Variants in CCDC170 observed in about 807,000 individuals in gnomAD.
The protein encoded by CCDC170 is coiled-coil domain containing 170.
Under a neutral mutation model 72.6 loss-of-function variants are expected in CCDC170, and 69 were observed. That is an observed-to-expected ratio of 0.95 (90% CI 0.78 to 1.16). The LOEUF is 1.16. CCDC170 is among the 50% of genes most tolerant of loss of function. The probability of loss-of-function intolerance (pLI) is 0.00; values close to 1 mark genes in which losing one functional copy is unlikely to be tolerated. For synonymous variants in CCDC170, 300 were observed against 303.9 expected, an observed-to-expected ratio of 0.99 and a Z score of 0.13; for missense variants, 852 against 832.5, an observed-to-expected ratio of 1.02 and a Z score of -0.29.
chr6:151,551,685 C>A (rs1782881012), intron 5 of CCDC170, among the ~76,000 whole-genome samples: 1 of 152,120 alleles, frequency 6.6e-6, no homozygotes, highest in Non-Finnish European at 1.5e-5. Flanking sequence ...GGACCTGAGG[C>A]CTGTCAGCTA....
At chr6:151,499,985 T>C (rs1426656998) in intron 1 of CCDC170, among the ~76,000 whole-genome samples, 2 of 152,236 alleles carry the variant, frequency 1.3e-5, no homozygotes, top group Non-Finnish European at 2.9e-5. Context: ...CTGGATCCTA[T>C]GGTAATCCTA....
chr6:151,510,938 G>A (rs539882423), intron 1 of CCDC170, among the ~76,000 whole-genome samples: 4 of 152,214 alleles, frequency 2.6e-5, no homozygotes, highest in African/African-American at 7.2e-5. Flanking sequence ...GTTTCACTAT[G>A]TTGGCCAGGC....
intron 2 of CCDC170, 31 bp downstream of exon 2, chr6:151,536,477 T>G (rs775236606): frequency 1.2e-6 from 2 of 1,610,854 alleles, no homozygotes; most frequent in African/African-American, 2.7e-5. Context: ...CACTCAGAAA[T>G]GGGCCTTCTT....
intron 9 of CCDC170, among the ~76,000 whole-genome samples, chr6:151,613,711 C>A (rs79376319): frequency 0.015 from 2,273 of 152,288 alleles, 28 homozygotes; most frequent in Non-Finnish European, 0.023. Context: ...CATTGTATGG[C>A]TATACCACAT....
rs898199695 is a variant in CCDC170 at position 151,605,995 on chromosome 6, G to A, written c.1710+9418G>A. Among the ~76,000 whole-genome samples the A allele has an allele frequency of 7.3e-5, 11 of 151,436 alleles. No homozygotes were observed. The East Asian group carries it at 1.6e-3, about 21-fold the overall frequency. On this transcript the variant is annotated intron_variant, in intron 9 of 10. Coordinates refer to ENST00000239374, the MANE Select transcript of CCDC170 (RefSeq NM_025059.4). ...CAGCTCACTGCAACCTCTGCCTCCC[G>A]GGTTCAAGCAATTCTTCTTACTCAG... is the stretch of plus-strand genomic sequence containing the variant.
In CCDC170 at chr6:151,534,068, C is replaced by CT. The variant is rs11359591; in HGVS notation, c.58-2236dup. 1.2e-3 allele frequency among the ~76,000 whole-genome samples: 166 copies of CT among 141,570 alleles called. 3 individuals are homozygous for CT. Among genetic ancestry groups the CT allele is most frequent in the Middle Eastern group, 7.3e-3 (2 of 274 alleles). The allele number at this position is 141,570 out of a possible 152,430, so 92.9% of individuals were successfully genotyped here. A position where few individuals can be genotyped will look rare whatever the true frequency, so the allele number is the denominator to read the frequency against. On this transcript the variant is annotated intron_variant, in intron 1 of 10. Transcript: ENST00000239374. Reference sequence around the variant, plus strand: ...TTCTCGTTCATTCATTCATTCATTCCTTTTTTTTTTTTTTGAGACAGGGTT... The same window carrying CT: ...TTCTCGTTCATTCATTCATTCATTCCTTTTTTTTTTTTTTTGAGACAGGGTT...
intron 5 of CCDC170, among the ~76,000 whole-genome samples, chr6:151,551,422 C>T (rs1375392661): frequency 2.0e-5 from 3 of 152,116 alleles, no homozygotes; most frequent in Non-Finnish European, 2.9e-5. Flanking sequence ...TATATGCTTC[C>T]TCTTGAGCAC....
chr6:151,507,993 A>C (rs115177553), intron 1 of CCDC170, among the ~76,000 whole-genome samples: 2 of 152,126 alleles, frequency 1.3e-5, no homozygotes, highest in East Asian at 3.9e-4. Context: ...TAGGTGATAG[A>C]TAATAGAAAA....
intron 1 of CCDC170, 140 bp from the exon 2 acceptor site, chr6:151,536,178 T>C (rs1782575105): frequency 2.0e-6 from 2 of 987,454 alleles, no homozygotes; most frequent in Non-Finnish European, 1.5e-6. Flanking sequence ...GGTCTGAACA[T>C]AACACTTCTC....
intron 9 of CCDC170, among the ~76,000 whole-genome samples, chr6:151,604,783 C>T (rs1251362033): frequency 5.3e-5 from 8 of 152,078 alleles, no homozygotes; most frequent in Non-Finnish European, 4.4e-5. Flanking sequence ...AACAACTGTA[C>T]ATATTTTTGG....
At chr6:151,524,924 T>C (rs1782377201) in intron 1 of CCDC170, among the ~76,000 whole-genome samples, 1 of 146,694 alleles carries the variant, frequency 6.8e-6, no homozygotes, top group Non-Finnish European at 1.5e-5. Context: ...GGATTTAGTC[T>C]GATTCTTTTT....
chr6:151,580,339 C>T (rs1012265316), intron 6 of CCDC170, among the ~76,000 whole-genome samples: 14 of 152,284 alleles, frequency 9.2e-5, no homozygotes, highest in African/African-American at 2.6e-4. Flanking sequence ...ACCACATCTC[C>T]TGATGTGCTA....
rs777763939 is a variant in CCDC170, at chr6:151,617,992, G to A, written c.1993G>A (p.Val665Met). The A allele has an allele frequency of 6.2e-7, 1 of 1,613,988 alleles. No individual in the cohort carries two copies. The highest frequency in any genetic ancestry group is 2.2e-5 in the East Asian group (1 of 44,884). ...GGTGTCGCAGATGCTAGGCTTGAAC[G>A]TGACCAGCCTTGCTCTTCCTGATTA... ...EVVSQMLGLN[V>M]TSLALPDYEI... is the part of the protein sequence containing the mutation. The change falls in exon 11 of 11, where the codon GTG (valine) becomes ATG (methionine). Residue 665 changes from valine (V) to methionine (M), a missense_variant. Val to Met is a conservative substitution (Grantham distance 21, BLOSUM62 1). Transcript: ENST00000239374.
At position 151,575,244 on chromosome 6, in the gene CCDC170, G is replaced by A. The variant is rs6915088; in HGVS notation, c.1092+1753G>A. 3.5e-4 allele frequency among the ~76,000 whole-genome samples: 53 copies of A among 151,720 alleles called. 1 individual carries two copies. The highest frequency in any genetic ancestry group is 9.9e-4 in the African/African-American group (41 of 41,378). On this transcript the variant is annotated intron_variant, in intron 6 of 10. Coordinates refer to ENST00000239374, the MANE Select transcript of CCDC170 (RefSeq NM_025059.4). The stretch of plus-strand genomic sequence containing the variant: ...TCGTGCTTGCTTGAAAGGAGAAAAC[G>A]CATTTTACCATCTTTTAATGTTACT...
chr6:151,559,654 C>T (rs1165892085), intron 5 of CCDC170, among the ~76,000 whole-genome samples: 1 of 152,122 alleles, frequency 6.6e-6, no homozygotes, highest in African/African-American at 2.4e-5. Context: ...CAAAGAGGGA[C>T]AATTTAACTT....
At chr6:151,516,964 C>A (rs988043038) in intron 1 of CCDC170, among the ~76,000 whole-genome samples, 2 of 152,234 alleles carry the variant, frequency 1.3e-5, no homozygotes, top group African/African-American at 4.8e-5. Flanking sequence ...CAACTGCCAA[C>A]TTCCACCCAT....
chr6:151,507,836 G>A (rs544869966), intron 1 of CCDC170, among the ~76,000 whole-genome samples: 362 of 151,850 alleles, frequency 2.4e-3, no homozygotes, highest in Non-Finnish European at 4.1e-3. Flanking sequence ...CAGGAGAATC[G>A]CTTGAACCAG....
Position 151,620,594 on chromosome 6 carries a change from G to A in CCDC170, c.*2447G>A, listed in dbSNP as rs910149844. On this transcript the variant is annotated 3_prime_UTR_variant, in exon 11 of 11. Transcript: ENST00000239374. ...TTCACTGGGTCTCTGGAGGCTCTCG[G>A]AGCTTGAGTGGCTCTGCCCCACCCT... 2.6e-5 allele frequency: 4 copies of A among 152,176 alleles called. No homozygotes were observed. Among genetic ancestry groups the A allele is most frequent in the Non-Finnish European group, 5.9e-5 (4 of 68,068 alleles). 9.4% of individuals were successfully genotyped at this position (152,176 alleles called of 1,614,324 possible). A position where few individuals can be genotyped will look rare whatever the true frequency, so the allele number is the denominator to read the frequency against.
chr6:151,612,307 A>G (rs1368831580), intron 9 of CCDC170, among the ~76,000 whole-genome samples: 1 of 152,182 alleles, frequency 6.6e-6, no homozygotes, highest in Non-Finnish European at 1.5e-5. Flanking sequence ...AGAGATTTCA[A>G]TCTCTGACAG....
Sources: gnomAD v4.1 joint callset for allele counts (sites outside exome capture counted in the v4.1 genomes callset) on GRCh38, gnomAD v4.1.1 for gene constraint, MANE v1.5 for transcripts, NCBI Gene and HGNC (gene_info 2026-07-23, HGNC 2026-07-21) for gene names.